The following CHCHD3 variants were observed in gnomAD, a reference collection of about 807,000 sequenced individuals.
The protein encoded by CHCHD3 is coiled-coil-helix-coiled-coil-helix domain containing 3, also known as MICOS complex subunit MIC19.
Under a neutral mutation model 38.2 loss-of-function variants are expected in CHCHD3, and 20 were observed. The observed-to-expected ratio is 0.52, with a 90% CI of 0.37 to 0.76. The LOEUF (loss-of-function observed/expected upper bound fraction) is 0.76. Ranked by LOEUF, CHCHD3 falls within the 30% of genes least tolerant of loss-of-function variation. CHCHD3 has a pLI of 0.00. For synonymous variants in CHCHD3, 82 were observed against 100.0 expected (o/e 0.82, Z 1.07); for missense variants, 245 against 279.2 (o/e 0.88, Z 0.87).
intron 3 of CHCHD3, among the ~76,000 whole-genome samples, chr7:132,990,597 A>G (rs912323588): frequency 6.6e-6 from 1 of 152,194 alleles, no homozygotes; most frequent in Non-Finnish European, 1.5e-5. Flanking sequence ...ACCGTAAGCT[A>G]TGAAATAACA....
intron 4 of CHCHD3, among the ~76,000 whole-genome samples, chr7:132,905,328 C>T (rs1809772367): frequency 6.6e-6 from 1 of 151,980 alleles, no homozygotes; most frequent in Non-Finnish European, 1.5e-5. Context: ...TGTCGTTAAC[C>T]TCAGCAAACT....
intron 5 of CHCHD3, among the ~76,000 whole-genome samples, chr7:132,862,056 A>T (rs550649413): frequency 6.9e-6 from 1 of 145,782 alleles, no homozygotes; most frequent in Non-Finnish European, 1.5e-5. Context: ...CCAGCACTTA[A>T]TGTTTGCTGA....
At chr7:132,977,714 T>C (rs1235043480) in intron 3 of CHCHD3, among the ~76,000 whole-genome samples, 1 of 152,226 alleles carries the variant, frequency 6.6e-6, no homozygotes, top group Non-Finnish European at 1.5e-5. Context: ...TCTGTTCAAC[T>C]GAATTATCAC....
chr7:132,895,060 T>C (rs1029540754), intron 4 of CHCHD3, among the ~76,000 whole-genome samples: 6 of 152,230 alleles, frequency 3.9e-5, no homozygotes, highest in Non-Finnish European at 8.8e-5. Context: ...TTAACCAGCA[T>C]GATAAATGTT....
At position 133,035,576 on chromosome 7, in the gene CHCHD3, G is replaced by C. The variant is rs764217975; in HGVS notation, c.170-10949C>G. 6.2e-7 allele frequency: 1 copy of C among 1,613,400 alleles called. No individual in the cohort carries two copies. The highest frequency in any genetic ancestry group is 1.7e-5 in the Admixed American group (1 of 59,994). ...TGTGGTGCATGATGCCCAAGGTGGG[G>C]AACACCCAGGTACTGGCTGGGGGCA... On this transcript the variant is annotated intron_variant, in intron 2 of 7. Coordinates refer to ENST00000262570, the MANE Select transcript of CHCHD3 (RefSeq NM_017812.4). The surrounding 1 kb of genome is among the most constrained non-coding windows in gnomAD (Gnocchi z 4.7).
chr7:132,857,743 G>C (rs189039185), intron 5 of CHCHD3, among the ~76,000 whole-genome samples: 65 of 152,276 alleles, frequency 4.3e-4, no homozygotes, highest in Non-Finnish European at 7.2e-4. Flanking sequence ...ATCTCTGGAT[G>C]GGAGGGGGCA....
At chr7:132,803,813 C>A (rs1307862436) in intron 6 of CHCHD3, among the ~76,000 whole-genome samples, 2 of 141,152 alleles carry the variant, frequency 1.4e-5, no homozygotes, top group African/African-American at 5.1e-5. Context: ...GCCAGTCCCT[C>A]TGTTTTTTCT....
At chr7:132,800,048 AAACAT>A (rs1806748639) in intron 6 of CHCHD3, among the ~76,000 whole-genome samples, 1 of 152,192 alleles carries the variant, frequency 6.6e-6, no homozygotes, top group African/African-American at 2.4e-5. Context: ...GTCACCAGTA[AAACAT>A]TCTTTGGCTA....
intron 4 of CHCHD3, among the ~76,000 whole-genome samples, chr7:132,920,092 G>T (rs1318290853): frequency 6.6e-6 from 1 of 152,170 alleles, no homozygotes; most frequent in Non-Finnish European, 1.5e-5. Flanking sequence ...AACATGAGTA[G>T]TCCATGGAGC....
intron 4 of CHCHD3, among the ~76,000 whole-genome samples, chr7:132,886,796 G>A (rs1273800390): frequency 6.6e-6 from 1 of 151,488 alleles, no homozygotes; most frequent in African/African-American, 2.4e-5. Context: ...TATGCATCCA[G>A]CCATCCATTA....
chr7:132,914,555 T>C (rs1045728834), intron 4 of CHCHD3, among the ~76,000 whole-genome samples: 1 of 152,216 alleles, frequency 6.6e-6, no homozygotes, highest in Non-Finnish European at 1.5e-5. Context: ...AAAAGTGTGA[T>C]CTAGTTTATT....
chr7:132,860,728 G>T (rs901179582), intron 5 of CHCHD3, among the ~76,000 whole-genome samples: 3 of 152,034 alleles, frequency 2.0e-5, no homozygotes, highest in African/African-American at 7.2e-5. Context: ...CTGGGTTCAA[G>T]AGATTCTCCT....
chr7:132,980,112 A>G (rs1811880420), intron 3 of CHCHD3, among the ~76,000 whole-genome samples: 1 of 152,218 alleles, frequency 6.6e-6, no homozygotes, highest in African/African-American at 2.4e-5. Flanking sequence ...TTTGAACCAA[A>G]TAAGACAGCC....
intron 6 of CHCHD3, among the ~76,000 whole-genome samples, chr7:132,798,897 T>C (rs182155513): frequency 2.0e-5 from 3 of 152,276 alleles, no homozygotes. Flanking sequence ...TCATGCAAGT[T>C]AAAGTCCATG....
chr7:132,841,868 C>A (rs908629748), intron 5 of CHCHD3, among the ~76,000 whole-genome samples: 2 of 152,036 alleles, frequency 1.3e-5, no homozygotes, highest in Admixed American at 1.3e-4. Context: ...GAGGCAGAGG[C>A]GGGCATATCA....
chr7:132,998,454 T>C (rs955587636), intron 3 of CHCHD3, among the ~76,000 whole-genome samples: 6 of 152,132 alleles, frequency 3.9e-5, no homozygotes, highest in Admixed American at 2.0e-4. Flanking sequence ...AGGTGTGAAA[T>C]TGATGCTTCA....
chr7:132,790,203 C>T (rs1255437204), intron 7 of CHCHD3, among the ~76,000 whole-genome samples: 1 of 152,154 alleles, frequency 6.6e-6, no homozygotes, highest in African/African-American at 2.4e-5. Context: ...TTTATATCTT[C>T]TATGACAAAT....
At chr7:132,795,701 G>A (rs1289873916) in intron 7 of CHCHD3, among the ~76,000 whole-genome samples, 1 of 152,100 alleles carries the variant, frequency 6.6e-6, no homozygotes, top group Non-Finnish European at 1.5e-5. Flanking sequence ...AGGAATCAAC[G>A]TTTCCAACAA....
At chr7:133,029,864 GACA>G (rs1272980115) in intron 2 of CHCHD3, among the ~76,000 whole-genome samples, 4 of 152,054 alleles carry the variant, frequency 2.6e-5, no homozygotes, top group South Asian at 2.1e-4. Flanking sequence ...GTGGGAAGAG[GACA>G]ACAACAGCAA....
Sources: gnomAD v4.1 joint callset for allele counts (sites outside exome capture counted in the v4.1 genomes callset) on GRCh38, gnomAD v4.1.1 for gene constraint, Gnocchi (gnomAD v3.1) non-coding constraint, MANE v1.5 for transcripts, NCBI Gene and HGNC (gene_info 2026-07-23, HGNC 2026-07-21) for gene names.